The following TRABD2A variants were observed in gnomAD, a reference collection of about 807,000 sequenced individuals.
The protein encoded by TRABD2A is metalloprotease TIKI1.
TRABD2A carries 43 observed loss-of-function variants against 45.6 expected under a neutral mutation model. The observed-to-expected ratio is 0.94, with a 90% CI of 0.74 to 1.22. The LOEUF (loss-of-function observed/expected upper bound fraction) is 1.22. Among genes scored for constraint, TRABD2A ranks in the 50% most tolerant of loss-of-function variants. The probability of loss-of-function intolerance (pLI) is 0.00; values close to 1 mark genes in which losing one functional copy is unlikely to be tolerated. For synonymous variants in TRABD2A, 269 were observed against 265.0 expected (o/e 1.02, Z -0.15); for missense variants, 642 against 652.4 (o/e 0.98, Z 0.17).
At chr2:84,847,526 T>C (rs1371580570) in intron 2 of TRABD2A, among the ~76,000 whole-genome samples, 1 of 152,150 alleles carries the variant, frequency 6.6e-6, no homozygotes, top group Non-Finnish European at 1.5e-5. Flanking sequence ...ACAAGGACTG[T>C]TGTTCCTGGA....
chr2:84,870,197 T>G (rs944988096), intron 2 of TRABD2A, 28 bp downstream of exon 2: 2 of 1,572,538 alleles, frequency 1.3e-6, no homozygotes, highest in African/African-American at 2.7e-5. Context: ...CAAATGCCAC[T>G]AAGTCTTTTA....
In TRABD2A at chr2:84,870,239, A is replaced by T. The variant is rs1682825618; in HGVS notation, c.655T>A (p.Leu219Met). 1 of 1,610,922 alleles carries T rather than the reference A, an allele frequency of 6.2e-7. No individual in the cohort carries two copies. The highest frequency in any genetic ancestry group is 8.5e-7 in the Non-Finnish European group (1 of 1,177,790). The change falls in exon 2 of 7, where the codon TTG becomes ATG. Residue 219 changes from leucine (L) to methionine (M), a missense_variant. Transcript: ENST00000409520. ...GAGAGTCTTACCTGTGAAAAGTTCA[A>T]CCCATTCAATGGATGGCACTGCTCT... ...VEEQCHPLNGLNFSQVIFALN... is the reference protein window; with the variant it reads ...VEEQCHPLNGMNFSQVIFALN...
chr2:84,847,864 T>G (rs1559090436), intron 2 of TRABD2A, among the ~76,000 whole-genome samples: 1 of 152,236 alleles, frequency 6.6e-6, no homozygotes, highest in Non-Finnish European at 1.5e-5. Flanking sequence ...TCATGCTCCC[T>G]CTGAAGAAGT....
intron 1 of TRABD2A, among the ~76,000 whole-genome samples, chr2:84,873,015 T>C (rs192386282): frequency 1.2e-3 from 182 of 148,442 alleles, no homozygotes; most frequent in African/African-American, 4.5e-3. Context: ...TTTGGGAGGC[T>C]GAGGCAGGAG....
chr2:84,863,267 C>T (rs1429720063), intron 2 of TRABD2A, among the ~76,000 whole-genome samples: 6 of 83,088 alleles, frequency 7.2e-5, no homozygotes, highest in South Asian at 7.4e-4. Context: ...TTTTTTGAGA[C>T]GGAGTCTCGC....
intron 2 of TRABD2A, among the ~76,000 whole-genome samples, chr2:84,848,141 T>C (rs1159025842): frequency 1.3e-5 from 2 of 152,224 alleles, no homozygotes; most frequent in African/African-American, 4.8e-5. Context: ...AATTTGGGGA[T>C]GAAGACATAA....
intron 1 of TRABD2A, among the ~76,000 whole-genome samples, chr2:84,875,213 G>A (rs1437189195): frequency 6.6e-6 from 1 of 152,190 alleles, no homozygotes; most frequent in East Asian, 1.9e-4. Flanking sequence ...TTTAAGTAGG[G>A]GGACCAGAAA....
At chr2:84,868,668 AG>A (rs200953587) in intron 2 of TRABD2A, among the ~76,000 whole-genome samples, 3,911 of 152,320 alleles carry the variant, frequency 0.026, 83 homozygotes, top group South Asian at 0.057. Context: ...TTAAAGTATA[AG>A]AAAAAAAGAA....
chr2:84,848,449 C>T (rs1681979975), intron 2 of TRABD2A, among the ~76,000 whole-genome samples: 1 of 149,180 alleles, frequency 6.7e-6, no homozygotes, highest in African/African-American at 2.4e-5. Context: ...CTGCTTTGGC[C>T]AATAAAACTC....
intron 4 of TRABD2A, chr2:84,834,583 T>G (rs1179332522): frequency 6.6e-6 from 1 of 152,426 alleles, no homozygotes; most frequent in African/African-American, 2.4e-5. Flanking sequence ...ACCACTAATC[T>G]ATGAATACTT....
At chr2:84,863,824 G>T (rs1682587336) in intron 2 of TRABD2A, among the ~76,000 whole-genome samples, 2 of 152,020 alleles carry the variant, frequency 1.3e-5, no homozygotes, top group South Asian at 4.2e-4. Context: ...TGTTAGCCAG[G>T]ATGGTCTCGA....
intron 1 of TRABD2A, 136 bp downstream of exon 1, chr2:84,880,796 C>G (rs1359311409): frequency 7.6e-7 from 1 of 1,312,440 alleles, no homozygotes; most frequent in Non-Finnish European, 1.0e-6. Context: ...GAGCAAGGAG[C>G]GCCGCGGTGC....
intron 4 of TRABD2A, chr2:84,837,962 C>CA (rs1681578785): frequency 2.6e-6 from 1 of 387,690 alleles, no homozygotes; most frequent in African/African-American, 2.1e-5. Flanking sequence ...TTGCTATTTC[C>CA]AGCAACTATG....
chr2:84,854,391 A>G (rs1682204013), intron 2 of TRABD2A, among the ~76,000 whole-genome samples: 1 of 152,230 alleles, frequency 6.6e-6, no homozygotes, highest in African/African-American at 2.4e-5. Context: ...TTACCAAAAC[A>G]TTATGCACTG....
chr2:84,832,232 T>G, intron 4 of TRABD2A, 87 bp from the exon 5 acceptor site: 1 of 1,371,448 alleles, frequency 7.3e-7, no homozygotes, highest in Non-Finnish European at 1.0e-6. Context: ...ACCAAGAAAT[T>G]ACCCTGCCAA....
intron 4 of TRABD2A, chr2:84,838,043 T>G: frequency 1.7e-6 from 1 of 573,076 alleles, no homozygotes; most frequent in Non-Finnish European, 3.1e-6. Context: ...CAGAGCAAGC[T>G]CTGAGTCAGG....
chr2:84,862,114 G>A (rs911642387), intron 2 of TRABD2A, among the ~76,000 whole-genome samples: 5 of 152,116 alleles, frequency 3.3e-5, no homozygotes, highest in Non-Finnish European at 5.9e-5. Flanking sequence ...TCTGTCCCTG[G>A]GCCATGGAGC....
chr2:84,843,982 C>T (rs891811188), intron 2 of TRABD2A: 1 of 152,318 alleles, frequency 6.6e-6, no homozygotes, highest in African/African-American at 2.4e-5. Context: ...CCTCTCTTCT[C>T]TCAATACCTC....
chr2:84,839,417 C>G, intron 3 of TRABD2A, 94 bp from the exon 4 acceptor site: 1 of 1,226,732 alleles, frequency 8.2e-7, no homozygotes. Flanking sequence ...CCTAGATGGT[C>G]AAGACGTTGT....
Sources: gnomAD v4.1 joint callset for allele counts (sites outside exome capture counted in the v4.1 genomes callset) on GRCh38, gnomAD v4.1.1 for gene constraint, MANE v1.5 for transcripts, NCBI Gene and HGNC (gene_info 2026-07-23, HGNC 2026-07-21) for gene names.